The following SNURF variants were observed in gnomAD, a reference collection of about 807,000 sequenced individuals.
SNURF encodes SNRPN upstream open reading frame.
A neutral mutation model predicts 11.6 loss-of-function variants in SNURF; 6 were observed. That is an observed-to-expected ratio of 0.52 (90% CI 0.28 to 1.02). SNURF has a LOEUF of 1.02. SNURF is among the 50% of genes least tolerant of loss of function. SNURF has a pLI of 0.09. For missense variants in SNURF, 84 were observed against 88.4 expected (o/e 0.95, Z 0.20); for synonymous variants, 29 against 31.6 (o/e 0.92, Z 0.27).
downstream of SNURF, among the ~76,000 whole-genome samples, chr15:24,971,477 C>T (rs2076395461): frequency 6.6e-6 from 1 of 152,016 alleles, no homozygotes; most frequent in Non-Finnish European, 1.5e-5. Flanking sequence ...TGTAGGAGGT[C>T]AACTCCTATT....
At chr15:24,977,459 TG>T in intron 6 of SNURF, among the ~76,000 whole-genome samples, 1 of 152,028 alleles carries the variant, frequency 6.6e-6, no homozygotes, top group South Asian at 2.1e-4. Context: ...GCCCACGTGG[TG>T]AAAACCCTAT....
intron 6 of SNURF, chr15:24,977,046 G>C (rs1306888032): frequency 6.5e-7 from 1 of 1,546,766 alleles, no homozygotes; most frequent in Non-Finnish European, 8.7e-7. Context: ...AACCAGCAGA[G>C]GGTTTTATAT....
intron 1 of SNURF, among the ~76,000 whole-genome samples, chr15:24,955,842 C>A (rs891223994): frequency 1.3e-5 from 2 of 150,698 alleles, no homozygotes; most frequent in Non-Finnish European, 1.5e-5. Flanking sequence ...CGGCGGTGGG[C>A]ATGGCATGGA....
At chr15:24,963,939 G>A (rs928433107) in intron 2 of SNURF, among the ~76,000 whole-genome samples, 1 of 152,038 alleles carries the variant, frequency 6.6e-6, no homozygotes, top group Admixed American at 6.5e-5. Context: ...GGCTGAAGTG[G>A]AAGGGTCACT....
intron 1 of SNURF, among the ~76,000 whole-genome samples, chr15:24,959,644 G>A (rs1186843758): frequency 6.6e-6 from 1 of 152,122 alleles, no homozygotes; most frequent in Non-Finnish European, 1.5e-5. Context: ...TTCTTTAATT[G>A]TATTATATTA....
rs201259332 is a variant in SNURF, at chr15:24,955,075, G to T, written c.14+13G>T. ...TGGAGCGGGCAAGGTCAGCTGTGCC[G>T]GTGGCTTCTCTCAAGAGACAGCCTG... is the stretch of plus-strand genomic sequence containing the variant. On this transcript the variant is annotated intron_variant, in intron 1 of 2. Coordinates refer to ENST00000577949, the Ensembl canonical transcript of SNURF. 20 of 1,613,528 alleles carry T rather than the reference G, an allele frequency of 1.2e-5. No individual in the cohort carries two copies. In the South Asian group the frequency reaches 2.1e-4, roughly 17 times the overall value.
exon 2 of SNURF, chr15:24,962,179 G>A (rs755265989): frequency 2.5e-6 from 4 of 1,614,000 alleles, no homozygotes; most frequent in Admixed American, 1.7e-5. Flanking sequence ...CAAGTCAAAC[G>A]CAGAAGGACT....
At chr15:24,973,163 A>T (rs894920464), downstream of SNURF, among the ~76,000 whole-genome samples, 5 of 152,080 alleles carry the variant, frequency 3.3e-5, no homozygotes, top group Admixed American at 3.3e-4. Flanking sequence ...TGTTGGGATT[A>T]TGGGCGTGAG....
At position 24,974,745 on chromosome 15, in the gene SNURF, A is replaced by G. The variant is rs144992719; in HGVS notation, c.*46-613A>G. The G allele has an allele frequency of 7.8e-4, 473 of 607,956 alleles. No homozygotes were observed. In the African/African-American group the frequency reaches 8.1e-3, roughly 10 times the overall value. The allele number at this position is 607,956 out of a possible 1,614,324, so 37.7% of individuals were successfully genotyped here. The stretch of plus-strand genomic sequence containing the variant: ...CTCGTGCCTCAGCCTCTTTATTAGA[A>G]ACAGGGTTTCACTGTGTTGGCCAGG... On this transcript the variant is annotated intron_variant and NMD_transcript_variant, in intron 3 of 6. Transcript: ENST00000580062.
chr15:24,958,061 A>G (rs2063206623), intron 1 of SNURF, among the ~76,000 whole-genome samples: 2 of 152,048 alleles, frequency 1.3e-5, no homozygotes, highest in Non-Finnish European at 2.9e-5. Flanking sequence ...ACTGATTTGG[A>G]TTTATTCACA....
At chr15:24,978,598 TA>T (rs922542864), downstream of SNURF, 17 of 741,024 alleles carry the variant, frequency 2.3e-5, no homozygotes, top group Non-Finnish European at 3.9e-5. Flanking sequence ...CTGTTGTATA[TA>T]TTTTTTTGCC....
Position 24,964,713 on chromosome 15 carries a change from T to C in SNURF, c.110+2504T>C, listed in dbSNP as rs899319526. On this transcript the variant is annotated intron_variant, in intron 2 of 2. Coordinates refer to ENST00000577949, the Ensembl canonical transcript of SNURF. ...AGGTAGGGCTGAGGTTTAGGACTCT[T>C]AGGTTTAGGACTGTTAAGTGGGTGA... Among the ~76,000 whole-genome samples the C allele has an allele frequency of 2.6e-5, 4 of 152,280 alleles. No homozygotes were observed. The East Asian group carries it at 5.8e-4, about 22-fold the overall frequency.
At chr15:24,976,181 T>TC (rs1252672529) in intron 4 of SNURF, 7 of 755,418 alleles carry the variant, frequency 9.3e-6, no homozygotes, top group African/African-American at 3.5e-5. Context: ...GGCTTGTTTT[T>TC]CAGTGATAAC....
intron 1 of SNURF, among the ~76,000 whole-genome samples, chr15:24,959,148 C>T (rs1443037868): frequency 1.3e-5 from 2 of 152,118 alleles, no homozygotes; most frequent in East Asian, 3.8e-4. Context: ...TGTAAGTGAT[C>T]TGAGGGCAAA....
chr15:24,973,562 T>C (rs2076710887), downstream of SNURF, among the ~76,000 whole-genome samples: 1 of 151,900 alleles, frequency 6.6e-6, no homozygotes, highest in South Asian at 2.1e-4. Context: ...CATGCCTGGC[T>C]AATTTTTTTG....
chr15:24,975,049 C>T (rs2076910084), intron 3 of SNURF: 2 of 692,684 alleles, frequency 2.9e-6, no homozygotes, highest in Non-Finnish European at 5.3e-6. Context: ...AGAGAGAACA[C>T]CCTACATCAT....
chr15:24,968,514 G>A, downstream of SNURF: 1 of 155,432 alleles, frequency 6.4e-6, no homozygotes, highest in Admixed American at 6.3e-5. Context: ...ATTGAATCAA[G>A]GAATATGAAC....
downstream of SNURF, among the ~76,000 whole-genome samples, chr15:24,973,290 T>C (rs954295092): frequency 1.4e-4 from 22 of 152,242 alleles, no homozygotes; most frequent in African/African-American, 5.3e-4. Context: ...CCTAAGAGTA[T>C]AGTAGACTCT....
intron 2 of SNURF, among the ~76,000 whole-genome samples, chr15:24,964,379 G>A (rs1566962030): frequency 1.3e-5 from 2 of 151,852 alleles, no homozygotes; most frequent in Admixed American, 1.3e-4. Context: ...TGCAACCTCC[G>A]CCTACCAAGT....
Sources: gnomAD v4.1 joint callset for allele counts (sites outside exome capture counted in the v4.1 genomes callset) on GRCh38, gnomAD v4.1.1 for gene constraint, MANE v1.5 for transcripts, NCBI Gene and HGNC (gene_info 2026-07-23, HGNC 2026-07-21) for gene names.